The following BMP8B variants were observed in gnomAD, a reference collection of about 807,000 sequenced individuals.
BMP8B encodes bone morphogenetic protein 8 (osteogenic protein 2).
BMP8B carries 17 observed loss-of-function variants against 30.3 expected under a neutral mutation model. The ratio of observed to expected loss-of-function variants is 0.56; its 90% CI spans 0.38 to 0.84. The LOEUF (loss-of-function observed/expected upper bound fraction) is 0.84. Among genes scored for constraint, BMP8B ranks in the 40% least tolerant of loss-of-function variants. The probability of loss-of-function intolerance (pLI) is 0.00; values close to 1 mark genes in which losing one functional copy is unlikely to be tolerated. For synonymous variants in BMP8B, 131 were observed against 214.7 expected, an observed-to-expected ratio of 0.61 and a Z score of 3.41; for missense variants, 253 against 494.6, an observed-to-expected ratio of 0.51 and a Z score of 4.63.
chr1:39,760,141 G>C lies in BMP8B; in HGVS notation c.*278C>G, dbSNP rs919174475. The C allele has an allele frequency of 2.0e-6, 1 of 510,940 alleles. No individual in the cohort carries two copies. Among genetic ancestry groups the C allele is most frequent in the Non-Finnish European group, 3.5e-6 (1 of 289,092 alleles). The allele number at this position is 510,940 out of a possible 1,614,324, so 31.7% of individuals were successfully genotyped here. ...CTTCTGTGCCAACCCCAAAGAACCA[G>C]CCAGGACATGCCTCCGGGAGAGGCG... On this transcript the variant is annotated 3_prime_UTR_variant, in exon 7 of 7. Transcript: ENST00000372827.
In BMP8B at chr1:39,771,312, C is replaced by T; in HGVS notation, c.673+2996G>A. The T allele has an allele frequency of 6.3e-6, 9 of 1,420,520 alleles. No homozygotes were observed. The South Asian group carries it at 1.2e-4, about 20-fold the overall frequency. 88.0% of individuals were successfully genotyped at this position (1,420,520 alleles called of 1,614,324 possible). ...GTGTGAGCCCTGCGTGCGCCTCGGG[C>T]CGCGCGTCACAGAGCAGGGCGGGCG... is the stretch of plus-strand genomic sequence containing the variant. On this transcript the variant is annotated intron_variant, in intron 3 of 6. Transcript: ENST00000372827.
chr1:39,762,990 G>A (rs182346554), intron 6 of BMP8B, 102 bp downstream of exon 6: 88,042 of 1,397,300 alleles, frequency 0.063, 3,282 homozygotes, highest in Non-Finnish European at 0.07. Context: ...CCCCTGAGAC[G>A]CGGAGCAGGT....
rs1648624082 is a variant in BMP8B at position 39,759,215 on chromosome 1, T to C, written c.*1204A>G. 6.6e-6 allele frequency: 1 copy of C among 152,264 alleles called. No individual in the cohort carries two copies. The highest frequency in any genetic ancestry group is 2.1e-4 in the South Asian group (1 of 4,828). The allele number at this position is 152,264 out of a possible 1,614,324, so 9.4% of individuals were successfully genotyped here. A position where few individuals can be genotyped will look rare whatever the true frequency, so the allele number is the denominator to read the frequency against. ...TCTCCACCCAACTCAGCCTAATTAC[T>C]ACTTGTCACTCCCTGAAAAGGACCT... On this transcript the variant is annotated 3_prime_UTR_variant, in exon 7 of 7. Coordinates refer to ENST00000372827, the MANE Select transcript of BMP8B (RefSeq NM_001720.5).
intron 1 of BMP8B, among the ~76,000 whole-genome samples, chr1:39,776,566 C>T (rs1650245792): frequency 6.6e-6 from 1 of 152,112 alleles, no homozygotes; most frequent in Non-Finnish European, 1.5e-5. Context: ...CATGGGCAGG[C>T]GAACAGCTGT....
At position 39,763,525 on chromosome 1, in the gene BMP8B, A is replaced by C. The variant is rs542317030; in HGVS notation, c.948+187T>G. 5.5e-5 allele frequency among the ~76,000 whole-genome samples: 8 copies of C among 146,762 alleles called. 1 individual carries two copies. The highest frequency in any genetic ancestry group is 4.7e-4 in the Admixed American group (7 of 14,972). ...TCTTCATTTTCATGGTTTTAAAAAA[A>C]ACAAAAAACTGAACAAAAAAAAAAC... On this transcript the variant is annotated intron_variant, in intron 5 of 6. Coordinates refer to ENST00000372827, the MANE Select transcript of BMP8B (RefSeq NM_001720.5).
Position 39,778,525 on chromosome 1 carries a change from C to T in BMP8B, c.335-3487G>A, listed in dbSNP as rs1289823816. 9.9e-5 allele frequency among the ~76,000 whole-genome samples: 15 copies of T among 151,024 alleles called. No individual in the cohort carries two copies. In the Admixed American group the frequency reaches 1.0e-3, roughly 10 times the overall value. ...TCCCACCCAGAAATCTCAGCACCGC[C>T]TCAAGGCGAGCCCAGGGCTCCATGC... On this transcript the variant is annotated intron_variant, in intron 1 of 6. Coordinates refer to ENST00000372827, the MANE Select transcript of BMP8B (RefSeq NM_001720.5).
In BMP8B at chr1:39,757,192, A is replaced by C. The variant is rs975426742; in HGVS notation, c.*3227T>G. Reference sequence around the variant, plus strand: ...AAATACATCATCACCTGCAGAACACATTTTGGTTTAATGGACAGACATAGA... The same window carrying C: ...AAATACATCATCACCTGCAGAACACCTTTTGGTTTAATGGACAGACATAGA... On this transcript the variant is annotated 3_prime_UTR_variant, in exon 7 of 7. Coordinates refer to ENST00000372827, the MANE Select transcript of BMP8B (RefSeq NM_001720.5). 1 of 152,264 alleles carries C rather than the reference A, an allele frequency of 6.6e-6. No individual in the cohort carries two copies. Among genetic ancestry groups the C allele is most frequent in the African/African-American group, 2.4e-5 (1 of 41,476 alleles). The allele number at this position is 152,264 out of a possible 1,614,324, so 9.4% of individuals were successfully genotyped here.
intron 3 of BMP8B, among the ~76,000 whole-genome samples, chr1:39,766,116 C>T (rs1649596712): frequency 6.7e-6 from 1 of 150,178 alleles, no homozygotes; most frequent in Non-Finnish European, 1.5e-5. Flanking sequence ...TATAAAATCC[C>T]TTGGAGCAGT....
intron 1 of BMP8B, among the ~76,000 whole-genome samples, chr1:39,776,445 G>C (rs2676688): frequency 5.9e-5 from 9 of 152,280 alleles, no homozygotes; most frequent in East Asian, 1.9e-4. Flanking sequence ...AAAATTCTCT[G>C]TGGTTACTGG....
chr1:39,775,883 A>C (rs1650190477), intron 1 of BMP8B, among the ~76,000 whole-genome samples: 1 of 151,928 alleles, frequency 6.6e-6, no homozygotes, highest in Non-Finnish European at 1.5e-5. Flanking sequence ...GTGGCATCTG[A>C]ACTGGCTTTG....
intron 1 of BMP8B, among the ~76,000 whole-genome samples, chr1:39,782,119 C>G (rs1650678491): frequency 6.7e-6 from 1 of 150,114 alleles, no homozygotes; most frequent in African/African-American, 2.5e-5. Context: ...CCATTGCACT[C>G]CAGCATGGGT....
At position 39,788,520 on chromosome 1, in the gene BMP8B, G is replaced by T; in HGVS notation, c.-35C>A. 1 of 1,003,880 alleles carries T rather than the reference G, an allele frequency of 1.0e-6. No homozygotes were observed. Among genetic ancestry groups the T allele is most frequent in the Non-Finnish European group, 1.2e-6 (1 of 843,640 alleles). The allele number at this position is 1,003,880 out of a possible 1,614,324, so 62.2% of individuals were successfully genotyped here. A position where few individuals can be genotyped will look rare whatever the true frequency, so the allele number is the denominator to read the frequency against. Reference sequence around the variant, plus strand: ...GGGGCGCTCAGCTGGGGCGCTCAGCGGGCGCGCATCGGCTCCGCGGCCGAC... The same window carrying T: ...GGGGCGCTCAGCTGGGGCGCTCAGCTGGCGCGCATCGGCTCCGCGGCCGAC... On this transcript the variant is annotated 5_prime_UTR_variant, in exon 1 of 7. Transcript: ENST00000372827. The surrounding 1 kb of genome is among the most constrained non-coding windows in gnomAD (Gnocchi z 5.8).
At chr1:39,762,035 A>G (rs1286424999) in intron 6 of BMP8B, among the ~76,000 whole-genome samples, 1 of 152,180 alleles carries the variant, frequency 6.6e-6, no homozygotes, top group East Asian at 1.9e-4. Context: ...TGAGAACCAC[A>G]CGGCATAAAG....
intron 1 of BMP8B, among the ~76,000 whole-genome samples, chr1:39,779,697 T>C (rs72665289): frequency 0.14 from 21,840 of 152,206 alleles, 1,964 homozygotes; most frequent in Middle Eastern, 0.29. Context: ...AGGCGGGAGA[T>C]GCTGTGCCAG....
intron 6 of BMP8B, among the ~76,000 whole-genome samples, chr1:39,761,753 G>A (rs1405880995): frequency 2.6e-5 from 4 of 152,260 alleles, no homozygotes; most frequent in Admixed American, 6.5e-5. Flanking sequence ...CCCTCCTTCT[G>A]TGGAGAGGCC....
chr1:39,769,276 G>A lies in BMP8B; in HGVS notation c.674-4459C>T, dbSNP rs182093388. On this transcript the variant is annotated intron_variant, in intron 3 of 6. Coordinates refer to ENST00000372827, the MANE Select transcript of BMP8B (RefSeq NM_001720.5). Reference sequence around the variant, plus strand: ...CAATCACAAACTCACATCTTTGCTCGCCTATTTCTCACTGCAGTAGTAAAA... The same window carrying A: ...CAATCACAAACTCACATCTTTGCTCACCTATTTCTCACTGCAGTAGTAAAA... Among the ~76,000 whole-genome samples the A allele has an allele frequency of 1.6e-3, 236 of 150,898 alleles. 5 individuals are homozygous for A. The highest frequency in any genetic ancestry group is 5.4e-3 in the African/African-American group (223 of 41,030).
chr1:39,760,317 C>A lies in BMP8B; in HGVS notation c.*102G>T. On this transcript the variant is annotated 3_prime_UTR_variant, in exon 7 of 7. Transcript: ENST00000372827. ...ACGTGGTTGTGAGGGTCCTCCCTGG[C>A]AATGCCCCGGCCTGGGGTCTGGCTG... The A allele has an allele frequency of 6.5e-6, 10 of 1,535,740 alleles. No individual in the cohort carries two copies. In the East Asian group the frequency reaches 6.9e-5, roughly 11 times the overall value.
At position 39,788,340 on chromosome 1, in the gene BMP8B, A is replaced by G. The variant is rs1651152389; in HGVS notation, c.146T>C (p.Leu49Pro). Residue 49 changes from leucine to proline, a missense_variant, in exon 1 of 7, where the codon CTG becomes CCG. Transcript: ENST00000372827. This position sits in a 1 kb window ranked among gnomAD's most constrained non-coding sequence, Gnocchi z 5.8. ...RERRDVQREI[L>P]AVLGLPGRPR... ...CCGCCCAGGCAGCCCGAGCACCGCC[A>G]GGATCTCGCGCTGCACGTCCCGGCG... is the stretch of plus-strand genomic sequence containing the variant. 8.3e-7 allele frequency: 1 copy of G among 1,204,234 alleles called. No individual in the cohort carries two copies. The highest frequency in any genetic ancestry group is 1.0e-6 in the Non-Finnish European group (1 of 974,338). The allele number at this position is 1,204,234 out of a possible 1,614,324, so 74.6% of individuals were successfully genotyped here.
In BMP8B at chr1:39,757,828, A is replaced by G. The variant is rs748891037; in HGVS notation, c.*2591T>C. The G allele has an allele frequency of 6.6e-5, 10 of 152,256 alleles. No individual in the cohort carries two copies. The highest frequency in any genetic ancestry group is 1.9e-4 in the East Asian group (1 of 5,204). 9.4% of individuals were successfully genotyped at this position (152,256 alleles called of 1,614,324 possible). On this transcript the variant is annotated 3_prime_UTR_variant, in exon 7 of 7. Transcript: ENST00000372827. ...TTCATGGACTTTGTGTTCATTCACAATTGTTTCATTGCTCAAGGGATTTTT... is the reference window on the plus strand; with the variant it reads ...TTCATGGACTTTGTGTTCATTCACAGTTGTTTCATTGCTCAAGGGATTTTT...
Sources: allele counts gnomAD v4.1 joint callset (sites outside exome capture counted in the v4.1 genomes callset), GRCh38; gene constraint gnomAD v4.1.1; non-coding constraint Gnocchi (gnomAD v3.1); transcripts MANE v1.5; gene names NCBI Gene and HGNC (gene_info 2026-07-23, HGNC 2026-07-21).